The following SLC15A1 variants were observed in gnomAD, a reference collection of about 807,000 sequenced individuals.
SLC15A1 encodes Caco-2 oligopeptide transporter.
SLC15A1 carries 83 observed loss-of-function variants against 92.9 expected under a neutral mutation model. The observed-to-expected ratio is 0.89, with a 90% CI of 0.75 to 1.07. The LOEUF (loss-of-function observed/expected upper bound fraction) is 1.07, where lower values mean the gene tolerates loss of function less well. Ranked by LOEUF, SLC15A1 falls within the 50% of genes least tolerant of loss-of-function variation. SLC15A1 has a pLI of 0.00. For synonymous variants in SLC15A1, 322 were observed against 318.2 expected (o/e 1.01, Z -0.13); for missense variants, 857 against 880.1 (o/e 0.97, Z 0.33).
intron 1 of SLC15A1, among the ~76,000 whole-genome samples, chr13:98,733,899 T>A (rs2088369333): frequency 6.6e-6 from 1 of 152,148 alleles, no homozygotes; most frequent in Admixed American, 6.5e-5. Flanking sequence ...ATCACAGGGG[T>A]CTAGCACCAT....
At chr13:98,718,382 C>T (rs1178097989) in intron 8 of SLC15A1, among the ~76,000 whole-genome samples, 1 of 133,918 alleles carries the variant, frequency 7.5e-6, no homozygotes, top group African/African-American at 3.0e-5. Flanking sequence ...TGTTATGGTG[C>T]AATCATGGCT....
chr13:98,730,739 T>C (rs1217060403), intron 1 of SLC15A1, among the ~76,000 whole-genome samples: 4 of 152,228 alleles, frequency 2.6e-5, no homozygotes, highest in Non-Finnish European at 5.9e-5. Context: ...ATTCAGTGTT[T>C]GTGGGACACG....
intron 4 of SLC15A1, 40 bp from the exon 5 acceptor site, chr13:98,724,071 C>T: frequency 6.2e-7 from 1 of 1,609,888 alleles, no homozygotes; most frequent in Non-Finnish European, 8.5e-7. Context: ...GTTAATTGCA[C>T]AATAGCCATC....
chr13:98,684,561 AAAAAAAAG>A lies in SLC15A1; in HGVS notation c.*155_*162del. On this transcript the variant is annotated 3_prime_UTR_variant, in exon 23 of 23. Coordinates refer to ENST00000376503, the MANE Select transcript of SLC15A1 (RefSeq NM_005073.4). The stretch of plus-strand genomic sequence containing the variant: ...ACTCTGTCTCAAAAAAAAAAAAAAA[AAAAAAAAG>A]AAAAGAAAAAGAAAAAAGAAAATAG... The A allele has an allele frequency of 2.2e-6, 1 of 453,360 alleles. No individual in the cohort carries two copies. The allele number at this position is 453,360 out of a possible 1,614,324, so 28.1% of individuals were successfully genotyped here. A position where few individuals can be genotyped will look rare whatever the true frequency, so the allele number is the denominator to read the frequency against.
intron 2 of SLC15A1, 175 bp from the exon 3 acceptor site, chr13:98,726,624 T>C (rs1594000928): frequency 1.3e-6 from 1 of 752,124 alleles, no homozygotes; most frequent in Non-Finnish European, 2.3e-6. Flanking sequence ...TCCTTCCACA[T>C]AGAGACAGCA....
intron 18 of SLC15A1, among the ~76,000 whole-genome samples, chr13:98,690,100 CAT>C (rs1424044195): frequency 2.0e-5 from 3 of 152,172 alleles, no homozygotes; most frequent in Non-Finnish European, 4.4e-5. Flanking sequence ...CTACCAAACA[CAT>C]GAGTGAAGGC....
intron 2 of SLC15A1, 34 bp downstream of exon 2, chr13:98,726,809 T>G: frequency 6.2e-7 from 1 of 1,602,890 alleles, no homozygotes; most frequent in Non-Finnish European, 8.5e-7. Context: ...ATTTACAAGA[T>G]GAAGATATGT....
intron 1 of SLC15A1, among the ~76,000 whole-genome samples, chr13:98,735,328 G>T (rs1566457763): frequency 6.6e-6 from 1 of 152,126 alleles, no homozygotes; most frequent in Non-Finnish European, 1.5e-5. Context: ...GTATTGATGG[G>T]ACGTATCTCA....
intron 4 of SLC15A1, 28 bp from the exon 5 acceptor site, chr13:98,724,059 G>A (rs779555417): frequency 1.4e-5 from 22 of 1,612,662 alleles, no homozygotes; most frequent in Admixed American, 1.7e-5. Flanking sequence ...AAGAGAATCC[G>A]AGTTAATTGC....
intron 18 of SLC15A1, among the ~76,000 whole-genome samples, chr13:98,691,476 T>C (rs1593979815): frequency 1.3e-5 from 2 of 152,246 alleles, no homozygotes; most frequent in African/African-American, 4.8e-5. Flanking sequence ...AGTTTTTGTG[T>C]GGACATGTTT....
At chr13:98,690,423 T>C (rs1350413156) in intron 18 of SLC15A1, among the ~76,000 whole-genome samples, 1 of 152,142 alleles carries the variant, frequency 6.6e-6, no homozygotes, top group African/African-American at 2.4e-5. Context: ...AGAGCTGCTT[T>C]TATCAAAGAT....
chr13:98,748,956 C>G (rs1372733638), intron 1 of SLC15A1, among the ~76,000 whole-genome samples: 2 of 152,190 alleles, frequency 1.3e-5, no homozygotes, highest in Admixed American at 1.3e-4. Flanking sequence ...TCAGATAAGC[C>G]TGATGCATGT....
chr13:98,699,602 C>A (rs1035426645), intron 18 of SLC15A1, among the ~76,000 whole-genome samples: 1 of 152,156 alleles, frequency 6.6e-6, no homozygotes, highest in Non-Finnish European at 1.5e-5. Flanking sequence ...TTTATGTGAA[C>A]ACAAGTTTCC....
intron 1 of SLC15A1, among the ~76,000 whole-genome samples, chr13:98,730,553 T>C (rs1287187049): frequency 2.0e-5 from 3 of 152,162 alleles, no homozygotes; most frequent in South Asian, 2.1e-4. Context: ...GCCAGCTGCA[T>C]GGCGGGTGAG....
chr13:98,704,444 G>A lies in SLC15A1; in HGVS notation c.1270-9C>T, dbSNP rs370162546. On this transcript the variant is annotated splice_polypyrimidine_tract_variant and intron_variant, in intron 16 of 22. Transcript: ENST00000376503. ...GTCATAAATGCATTTGTCTATAGAG[G>A]GAGGGAAAGAGGCATAGTTAATATC... 5.6e-6 allele frequency: 9 copies of A among 1,609,386 alleles called. No individual in the cohort carries two copies. The East Asian group carries it at 2.0e-4, about 36-fold the overall frequency.
intron 18 of SLC15A1, among the ~76,000 whole-genome samples, chr13:98,689,979 C>T (rs1453057378): frequency 2.6e-5 from 4 of 152,190 alleles, no homozygotes; most frequent in Admixed American, 1.3e-4. Flanking sequence ...GCACGGATGG[C>T]TGATTACAGA....
intron 15 of SLC15A1, among the ~76,000 whole-genome samples, chr13:98,706,773 G>A (rs1336827877): frequency 6.6e-6 from 1 of 152,058 alleles, no homozygotes; most frequent in Non-Finnish European, 1.5e-5. Context: ...CCCAGTCTTG[G>A]GTACGTCTTT....
At chr13:98,744,414 G>A (rs552109779) in intron 1 of SLC15A1, among the ~76,000 whole-genome samples, 1 of 151,174 alleles carries the variant, frequency 6.6e-6, no homozygotes. Context: ...TGACGTTAGG[G>A]TATAAAACAG....
chr13:98,726,442 A>T lies in SLC15A1; in HGVS notation c.29T>A (p.Phe10Tyr). Residue 10 changes from phenylalanine (F) to tyrosine (Y), a missense_variant, in exon 3 of 23, where the codon TTT (phenylalanine) becomes TAT (tyrosine). By Grantham distance (22) the Phe-to-Tyr change is conservative. Coordinates refer to ENST00000376503, the MANE Select transcript of SLC15A1 (RefSeq NM_005073.4). MGMSKSHSFFGYPLSIFFIV... is the reference protein window; with the variant it reads MGMSKSHSFYGYPLSIFFIV... ...GAAGAAGATGCTCAGGGGATAACCAAAGAAACTCTGACAAAAAAGAAACAA... is the reference window on the plus strand; with the variant it reads ...GAAGAAGATGCTCAGGGGATAACCATAGAAACTCTGACAAAAAAGAAACAA... 6.2e-7 allele frequency: 1 copy of T among 1,613,948 alleles called. No homozygotes were observed. The highest frequency in any genetic ancestry group is 8.5e-7 in the Non-Finnish European group (1 of 1,179,894).
Sources: gnomAD v4.1 joint callset for allele counts (sites outside exome capture counted in the v4.1 genomes callset) on GRCh38, gnomAD v4.1.1 for gene constraint, MANE v1.5 for transcripts, NCBI Gene and HGNC (gene_info 2026-07-23, HGNC 2026-07-21) for gene names.